The following CLVS2 variants were observed in gnomAD, a reference collection of about 807,000 sequenced individuals.
The protein encoded by CLVS2 is clavesin-2.
A neutral mutation model predicts 29.0 loss-of-function variants in CLVS2; 19 were observed. That is an observed-to-expected ratio of 0.66 (90% CI 0.46 to 0.96). The LOEUF is 0.96. Ranked by LOEUF, CLVS2 falls within the 40% of genes least tolerant of loss-of-function variation. CLVS2 has a pLI of 0.00. For missense variants in CLVS2, 294 were observed against 404.1 expected (o/e 0.73, Z 2.34); for synonymous variants, 161 against 151.3 (o/e 1.06, Z -0.47).
rs557819502 is a variant in CLVS2, at chr6:123,015,361, G to A, written c.564+4202G>A. ...GATAAATGAACTGACTTAGATCAAA[G>A]GAAAGAGAAGTTAGATCTGGAGAAC... On this transcript the variant is annotated intron_variant, in intron 3 of 5. Transcript: ENST00000275162. Among the ~76,000 whole-genome samples, 11 of 152,106 alleles carry A rather than the reference G, an allele frequency of 7.2e-5. No homozygotes were observed. In the South Asian group the frequency reaches 1.5e-3, roughly 20 times the overall value.
intron 3 of CLVS2, among the ~76,000 whole-genome samples, chr6:123,046,615 C>T (rs899848289): frequency 6.0e-5 from 9 of 150,482 alleles, no homozygotes; most frequent in Admixed American, 4.0e-4. Context: ...GCCGAGATTG[C>T]GCCACTGCAC....
At chr6:123,016,339 T>TTTGG (rs1554201393) in intron 3 of CLVS2, among the ~76,000 whole-genome samples, 1 of 130,512 alleles carries the variant, frequency 7.7e-6, no homozygotes, top group African/African-American at 3.0e-5. Context: ...GTGCTTTTTT[T>TTTGG]GGGGGGGAGG....
Position 123,069,485 on chromosome 6 carries a change from A to G in CLVS2, c.*5724A>G, listed in dbSNP as rs1772909902. 6.6e-6 allele frequency: 1 copy of G among 151,852 alleles called. No homozygotes were observed. Among genetic ancestry groups the G allele is most frequent in the Non-Finnish European group, 1.5e-5 (1 of 67,852 alleles). 9.4% of individuals were successfully genotyped at this position (151,852 alleles called of 1,614,324 possible). On this transcript the variant is annotated 3_prime_UTR_variant, in exon 6 of 6. Transcript: ENST00000275162. ...TCATCTAATAAGGTATAAGAGACTC[A>G]ATTACATTTACCTAGAACCATCTAC... is the stretch of plus-strand genomic sequence containing the variant.
intron 3 of CLVS2, among the ~76,000 whole-genome samples, chr6:123,043,450 C>A (rs1404655723): frequency 2.0e-5 from 3 of 151,924 alleles, no homozygotes; most frequent in Non-Finnish European, 4.4e-5. Flanking sequence ...GGCGCTACAC[C>A]TTATCACTAT....
intron 3 of CLVS2, among the ~76,000 whole-genome samples, chr6:123,023,043 C>T (rs888179088): frequency 6.6e-5 from 10 of 152,028 alleles, no homozygotes; most frequent in African/African-American, 2.4e-4. Flanking sequence ...ATGTAAATAA[C>T]AGGAAACTGT....
chr6:123,069,815 C>T lies in CLVS2; in HGVS notation c.*6054C>T, dbSNP rs1772915078. ...ATCTCTGTTGTGAAGCAAGTTTCCACACAGAAACATCATCAAAAACACGTA... is the reference window on the plus strand; with the variant it reads ...ATCTCTGTTGTGAAGCAAGTTTCCATACAGAAACATCATCAAAAACACGTA... On this transcript the variant is annotated 3_prime_UTR_variant, in exon 6 of 6. Coordinates refer to ENST00000275162, the MANE Select transcript of CLVS2 (RefSeq NM_001010852.4). 1 of 151,818 alleles carries T rather than the reference C, an allele frequency of 6.6e-6. No individual in the cohort carries two copies. Among genetic ancestry groups the T allele is most frequent in the Admixed American group, 6.6e-5 (1 of 15,180 alleles). 9.4% of individuals were successfully genotyped at this position (151,818 alleles called of 1,614,324 possible). A position where few individuals can be genotyped will look rare whatever the true frequency, so the allele number is the denominator to read the frequency against.
At position 123,068,902 on chromosome 6, in the gene CLVS2, T is replaced by G. The variant is rs1772900153; in HGVS notation, c.*5141T>G. 6.6e-6 allele frequency: 1 copy of G among 151,672 alleles called. No individual in the cohort carries two copies. The highest frequency in any genetic ancestry group is 1.5e-5 in the Non-Finnish European group (1 of 67,732). The allele number at this position is 151,672 out of a possible 1,614,324, so 9.4% of individuals were successfully genotyped here. A position where few individuals can be genotyped will look rare whatever the true frequency, so the allele number is the denominator to read the frequency against. On this transcript the variant is annotated 3_prime_UTR_variant, in exon 6 of 6. Coordinates refer to ENST00000275162, the MANE Select transcript of CLVS2 (RefSeq NM_001010852.4). Reference sequence around the variant, plus strand: ...TTATATTTTAAATGTATACATTTATTTTGCACATTGTTAATGTTAAATTTG... The same window carrying G: ...TTATATTTTAAATGTATACATTTATGTTGCACATTGTTAATGTTAAATTTG...
chr6:123,031,561 T>A (rs1775084038), intron 3 of CLVS2, among the ~76,000 whole-genome samples: 1 of 152,226 alleles, frequency 6.6e-6, no homozygotes, highest in Admixed American at 6.5e-5. Flanking sequence ...GTGATGGATA[T>A]GTTAATTATC....
intron 3 of CLVS2, among the ~76,000 whole-genome samples, chr6:123,040,197 C>A (rs1374895857): frequency 6.6e-6 from 1 of 152,168 alleles, no homozygotes; most frequent in Non-Finnish European, 1.5e-5. Context: ...TTGAGATAGC[C>A]TAATCATGTC....
chr6:123,021,094 G>T, intron 3 of CLVS2, among the ~76,000 whole-genome samples: 1 of 151,582 alleles, frequency 6.6e-6, no homozygotes, highest in African/African-American at 2.4e-5. Context: ...TCTAAAATGT[G>T]TTTATTTTGT....
At position 123,042,044 on chromosome 6, in the gene CLVS2, A is replaced by G. The variant is rs1184955295; in HGVS notation, c.565-6578A>G. On this transcript the variant is annotated intron_variant, in intron 3 of 5. Coordinates refer to ENST00000275162, the MANE Select transcript of CLVS2 (RefSeq NM_001010852.4). The stretch of plus-strand genomic sequence containing the variant: ...TTTTAATCACTATTTTAAGTGATTC[A>G]TTATGGTAAATCCATATTATTTCTT... 2.0e-5 allele frequency among the ~76,000 whole-genome samples: 3 copies of G among 152,196 alleles called. 1 individual carries two copies. Among genetic ancestry groups the G allele is most frequent in the Non-Finnish European group, 4.4e-5 (3 of 68,014 alleles).
In CLVS2 at chr6:123,071,850, G is replaced by A. The variant is rs971675051; in HGVS notation, c.*8089G>A. On this transcript the variant is annotated 3_prime_UTR_variant, in exon 6 of 6. Transcript: ENST00000275162. The stretch of plus-strand genomic sequence containing the variant: ...ATGTTACATATCTTTAAATTTTTAT[G>A]TTGAAAATTTATAGCTGTGACACAA... 2.6e-5 allele frequency: 4 copies of A among 151,814 alleles called. No homozygotes were observed. The highest frequency in any genetic ancestry group is 9.7e-5 in the African/African-American group (4 of 41,348). The allele number at this position is 151,814 out of a possible 1,614,324, so 9.4% of individuals were successfully genotyped here. A position where few individuals can be genotyped will look rare whatever the true frequency, so the allele number is the denominator to read the frequency against.
intron 3 of CLVS2, among the ~76,000 whole-genome samples, chr6:123,032,822 A>G (rs371938521): frequency 5.3e-5 from 8 of 152,130 alleles, no homozygotes; most frequent in African/African-American, 1.7e-4. Context: ...CAGCTTGATT[A>G]TATCGGCCTT....
At chr6:123,018,183 T>C (rs1381536379) in intron 3 of CLVS2, among the ~76,000 whole-genome samples, 1 of 152,128 alleles carries the variant, frequency 6.6e-6, no homozygotes, top group African/African-American at 2.4e-5. Flanking sequence ...TTTCATTTTA[T>C]TGGCTATGTT....
rs1226507296 is a variant in CLVS2, at chr6:123,069,735, G to A, written c.*5974G>A. ...AAAAAAGTGCGTTCCTTCTTCAGGA[G>A]GATCGAGTAGAAAATATTTTCTACT... On this transcript the variant is annotated 3_prime_UTR_variant, in exon 6 of 6. Transcript: ENST00000275162. 6.6e-6 allele frequency: 1 copy of A among 151,774 alleles called. No individual in the cohort carries two copies. The highest frequency in any genetic ancestry group is 1.9e-4 in the East Asian group (1 of 5,176). 9.4% of individuals were successfully genotyped at this position (151,774 alleles called of 1,614,324 possible). A position where few individuals can be genotyped will look rare whatever the true frequency, so the allele number is the denominator to read the frequency against.
chr6:122,998,433 A>G (rs371368580), intron 2 of CLVS2, among the ~76,000 whole-genome samples: 3 of 152,262 alleles, frequency 2.0e-5, no homozygotes, highest in African/African-American at 7.2e-5. Context: ...CAGAGATCTA[A>G]ATCACTTAAC....
intron 3 of CLVS2, among the ~76,000 whole-genome samples, chr6:123,030,979 C>T (rs1412381790): frequency 6.6e-6 from 1 of 151,810 alleles, no homozygotes; most frequent in Non-Finnish European, 1.5e-5. Context: ...GTTGCCCAGG[C>T]TGGAGTGCAG....
chr6:123,057,282 G>A (rs1380349243), intron 5 of CLVS2, among the ~76,000 whole-genome samples: 1 of 149,602 alleles, frequency 6.7e-6, no homozygotes, highest in Admixed American at 6.7e-5. Flanking sequence ...AAGGCCCTTT[G>A]CCCATAGCTC....
At chr6:123,048,577 C>G (rs1187435199) in intron 3 of CLVS2, 45 bp from the exon 4 acceptor site, 1 of 1,278,966 alleles carries the variant, frequency 7.8e-7, no homozygotes, top group East Asian at 2.3e-5. Flanking sequence ...CCTTCTCAGT[C>G]TATTAAAGCA....
Sources: gnomAD v4.1 joint callset for allele counts (sites outside exome capture counted in the v4.1 genomes callset) on GRCh38, gnomAD v4.1.1 for gene constraint, MANE v1.5 for transcripts, NCBI Gene and HGNC (gene_info 2026-07-23, HGNC 2026-07-21) for gene names.